Variants in FYB1 observed in about 807,000 individuals in gnomAD.
FYB1 encodes FYN binding protein 1, also known as FYN-binding protein 1.
FYB1 carries 41 observed loss-of-function variants against 94.1 expected under a neutral mutation model. That is an observed-to-expected ratio of 0.44 (90% CI 0.34 to 0.57). FYB1 has a LOEUF of 0.57. FYB1 is among the 20% of genes least tolerant of loss of function. FYB1 has a pLI of 0.02. For synonymous variants in FYB1, 367 were observed against 353.2 expected, an observed-to-expected ratio of 1.04 and a Z score of -0.44; for missense variants, 1,050 against 976.8, an observed-to-expected ratio of 1.07 and a Z score of -1.00.
At chr5:39,223,461 G>A (rs139849877), upstream of FYB1, among the ~76,000 whole-genome samples, 353 of 152,202 alleles carry the variant, frequency 2.3e-3, 1 homozygote, top group African/African-American at 8.1e-3. Flanking sequence ...TTATTTTTGT[G>A]GCTATTCACT....
intron 10 of FYB1, among the ~76,000 whole-genome samples, chr5:39,128,531 C>A (rs1740891553): frequency 6.6e-6 from 1 of 152,074 alleles, no homozygotes; most frequent in East Asian, 1.9e-4. Flanking sequence ...GATAGGTTAT[C>A]ATCTAAACAA....
chr5:39,228,647 G>T (rs1750586505), intron 1 of FYB1, among the ~76,000 whole-genome samples: 2 of 152,062 alleles, frequency 1.3e-5, no homozygotes. Flanking sequence ...AATCACCAGG[G>T]TCAACATTTT....
At chr5:39,237,510 T>C (rs1009373535) in intron 1 of FYB1, among the ~76,000 whole-genome samples, 2 of 152,058 alleles carry the variant, frequency 1.3e-5, no homozygotes, top group Non-Finnish European at 2.9e-5. Flanking sequence ...TAGAATTTTT[T>C]GCTTACTCAA....
At chr5:39,117,333 A>G (rs887564863) in intron 16 of FYB1, among the ~76,000 whole-genome samples, 9 of 152,164 alleles carry the variant, frequency 5.9e-5, no homozygotes, top group Admixed American at 5.9e-4. Flanking sequence ...AATTGGGTGT[A>G]TTCATCGTAA....
intron 7 of FYB1, 24 bp from the exon 8 acceptor site, chr5:39,135,038 C>T: frequency 6.2e-7 from 1 of 1,605,998 alleles, no homozygotes; most frequent in East Asian, 2.2e-5. Context: ...AAAATAGTCA[C>T]AAAAGATTTC....
At chr5:39,185,542 G>GAT (rs1746673857) in intron 2 of FYB1, among the ~76,000 whole-genome samples, 2 of 134,764 alleles carry the variant, frequency 1.5e-5, no homozygotes, top group South Asian at 4.4e-4. Flanking sequence ...ATATATATAT[G>GAT]ATATATATGA....
At chr5:39,178,462 G>T (rs1010487871) in intron 2 of FYB1, among the ~76,000 whole-genome samples, 52 of 152,112 alleles carry the variant, frequency 3.4e-4, no homozygotes, top group African/African-American at 1.3e-3. Flanking sequence ...CTCTATAGTC[G>T]TCAAAATGCC....
At chr5:39,121,183 C>CAAAAAAA (rs56376626) in intron 14 of FYB1, among the ~76,000 whole-genome samples, 13 of 57,666 alleles carry the variant, frequency 2.3e-4, no homozygotes, top group East Asian at 8.8e-4. Flanking sequence ...TAATGTAAAG[C>CAAAAAAA]AAAAAAAAAA....
intron 2 of FYB1, among the ~76,000 whole-genome samples, chr5:39,173,897 T>C (rs1745476193): frequency 6.6e-6 from 1 of 152,184 alleles, no homozygotes; most frequent in Non-Finnish European, 1.5e-5. Context: ...GCTTAGTTCT[T>C]CCTGCTTAGT....
chr5:39,126,834 A>G (rs1350722267), intron 11 of FYB1, among the ~76,000 whole-genome samples: 1 of 151,762 alleles, frequency 6.6e-6, no homozygotes. Flanking sequence ...TAGGGCAGGC[A>G]GATCACCCGA....
chr5:39,257,179 C>T (rs535102837), intron 1 of FYB1, among the ~76,000 whole-genome samples: 3 of 152,274 alleles, frequency 2.0e-5, no homozygotes, highest in Non-Finnish European at 2.9e-5. Context: ...ATATTCTGAA[C>T]TCTGGTTTAA....
At chr5:39,220,692 G>A (rs536763096), upstream of FYB1, among the ~76,000 whole-genome samples, 1 of 152,088 alleles carries the variant, frequency 6.6e-6, no homozygotes, top group Non-Finnish European at 1.5e-5. Context: ...GAGAAGACAA[G>A]GATTTTCCAC....
At chr5:39,236,905 C>T (rs1185415259) in intron 1 of FYB1, among the ~76,000 whole-genome samples, 1 of 152,096 alleles carries the variant, frequency 6.6e-6, no homozygotes, top group South Asian at 2.1e-4. Context: ...AGGCCTAACA[C>T]GTAGCAGGTA....
At chr5:39,213,207 A>G (rs529239443) in intron 1 of FYB1, among the ~76,000 whole-genome samples, 1 of 152,306 alleles carries the variant, frequency 6.6e-6, no homozygotes, top group African/African-American at 2.4e-5. Context: ...TTATTAATAT[A>G]TAACCTTAAA....
rs1748442602 is a variant in FYB1, at chr5:39,202,509, A to G, written c.452T>C (p.Leu151Pro). The G allele has an allele frequency of 3.7e-6, 6 of 1,613,966 alleles. No homozygotes were observed. The African/African-American group carries it at 5.3e-5, about 14-fold the overall frequency. Residue 151 changes from leucine to proline, a missense_variant, in exon 2 of 19, where the codon CTA (leucine) becomes CCA (proline). Transcript: ENST00000512982. ...AGGAGTAGGCCCAGATTTCGGGCCT[A>G]GTGGCTTTAAGTCATGGTCTTGGTT... ...SVNQDHDLKP[L>P]GPKSGPTPPT...
chr5:39,240,797 C>G (rs952099648), intron 1 of FYB1, among the ~76,000 whole-genome samples: 1 of 152,068 alleles, frequency 6.6e-6, no homozygotes, highest in East Asian at 1.9e-4. Flanking sequence ...AAGTATCATT[C>G]GATTCAGCAA....
intron 15 of FYB1, 54 bp from the exon 16 acceptor site, chr5:39,119,090 A>C: frequency 1.2e-6 from 1 of 828,240 alleles, no homozygotes; most frequent in East Asian, 3.1e-5. Flanking sequence ...TTATTGAAAC[A>C]ACTTATTTAT....
intron 2 of FYB1, 102 bp downstream of exon 2, chr5:39,201,724 G>T: frequency 1.9e-6 from 2 of 1,035,376 alleles, no homozygotes; most frequent in Non-Finnish European, 2.8e-6. Flanking sequence ...ATGAGTACCA[G>T]ATATAGAGAA....
rs182413106 is a variant in FYB1, at chr5:39,105,402, C to T, written c.*2041G>A. ...TGATTATCTATTGTGTAAATCTTTCCTAGGTATGTGTGTCTGTTTCTTGAT... is the reference window on the plus strand; with the variant it reads ...TGATTATCTATTGTGTAAATCTTTCTTAGGTATGTGTGTCTGTTTCTTGAT... On this transcript the variant is annotated 3_prime_UTR_variant, in exon 19 of 19. Transcript: ENST00000512982. 61 of 152,024 alleles carry T rather than the reference C, an allele frequency of 4.0e-4. No individual in the cohort carries two copies. The highest frequency in any genetic ancestry group is 1.4e-3 in the African/African-American group (60 of 41,454). The allele number at this position is 152,024 out of a possible 1,614,324, so 9.4% of individuals were successfully genotyped here. A position where few individuals can be genotyped will look rare whatever the true frequency, so the allele number is the denominator to read the frequency against.
Sources: gnomAD v4.1 joint callset for allele counts (sites outside exome capture counted in the v4.1 genomes callset) on GRCh38, gnomAD v4.1.1 for gene constraint, MANE v1.5 for transcripts, NCBI Gene and HGNC (gene_info 2026-07-23, HGNC 2026-07-21) for gene names.